PCLO: variants seen among roughly 807,000 people sequenced by gnomAD.
PCLO encodes protein piccolo.
In PCLO, 82 loss-of-function variants were observed where a neutral mutation model predicts 427.5. The observed-to-expected ratio is 0.19, with a 90% CI of 0.16 to 0.23. The LOEUF (loss-of-function observed/expected upper bound fraction) is 0.23. PCLO is among the 10% of genes least tolerant of loss of function. The pLI, the probability that PCLO is intolerant of heterozygous loss-of-function variation, is 1.00. For synonymous variants in PCLO, 2,357 were observed against 2,155.4 expected (o/e 1.09, Z -2.59); for missense variants, 6,239 against 6,115.9 (o/e 1.02, Z -0.67).
chr7:82,947,410 A>T (rs1795228530), intron 6 of PCLO, among the ~76,000 whole-genome samples: 2 of 152,098 alleles, frequency 1.3e-5, no homozygotes, highest in South Asian at 4.1e-4. Flanking sequence ...TAAGAAAATT[A>T]TTTTTTTAGT....
intron 9 of PCLO, among the ~76,000 whole-genome samples, chr7:82,892,840 C>T (rs1429062660): frequency 6.6e-6 from 1 of 151,942 alleles, no homozygotes; most frequent in Non-Finnish European, 1.5e-5. Context: ...TCATCACTGG[C>T]CATCAGAGAA....
intron 3 of PCLO, among the ~76,000 whole-genome samples, chr7:82,973,764 G>C (rs1795957337): frequency 6.6e-6 from 1 of 150,652 alleles, no homozygotes; most frequent in Admixed American, 6.6e-5. Flanking sequence ...TACATTAACA[G>C]ATATTTCCAT....
rs886906100 is a variant in PCLO at position 82,760,557 on chromosome 7, A to G, written c.15288+82T>C. The G allele has an allele frequency of 5.8e-6, 5 of 864,130 alleles. No homozygotes were observed. In the African/African-American group the frequency reaches 8.8e-5, roughly 15 times the overall value. The allele number at this position is 864,130 out of a possible 1,614,324, so 53.5% of individuals were successfully genotyped here. A position where few individuals can be genotyped will look rare whatever the true frequency, so the allele number is the denominator to read the frequency against. ...AAATGTCATATAGTGTATGATCAGTATATAAATATTGAATAATGGGATAAA... is the reference window on the plus strand; with the variant it reads ...AAATGTCATATAGTGTATGATCAGTGTATAAATATTGAATAATGGGATAAA... On this transcript the variant is annotated intron_variant, in intron 24 of 24. Coordinates refer to ENST00000333891, the MANE Select transcript of PCLO (RefSeq NM_033026.6).
chr7:82,973,285 C>T (rs190303419), intron 3 of PCLO, among the ~76,000 whole-genome samples: 53 of 152,052 alleles, frequency 3.5e-4, no homozygotes, highest in Middle Eastern at 6.8e-3. Flanking sequence ...ATTCTTTTAC[C>T]GAGGCTGTGC....
chr7:82,924,808 G>GA (rs1290961557), intron 6 of PCLO, among the ~76,000 whole-genome samples: 1 of 151,320 alleles, frequency 6.6e-6, no homozygotes. Context: ...AATAACTTAA[G>GA]AAAAAAAGGA....
intron 3 of PCLO, among the ~76,000 whole-genome samples, chr7:83,011,600 A>C (rs1788078129): frequency 1.3e-5 from 1 of 74,354 alleles, no homozygotes; most frequent in Non-Finnish European, 2.5e-5. Context: ...TATAATTTTA[A>C]GCTGAAAAAA....
At chr7:82,828,566 TAAA>T (rs1371381598) in intron 16 of PCLO, among the ~76,000 whole-genome samples, 1 of 152,164 alleles carries the variant, frequency 6.6e-6, no homozygotes, top group Non-Finnish European at 1.5e-5. Context: ...ATGAACCAAA[TAAA>T]AATCTTTCCT....
At chr7:83,151,156 C>A (rs920180608) in intron 2 of PCLO, among the ~76,000 whole-genome samples, 13 of 152,124 alleles carry the variant, frequency 8.5e-5, no homozygotes, top group Admixed American at 8.5e-4. Context: ...AGATGCCTTT[C>A]TAGAGTTCAG....
intron 3 of PCLO, among the ~76,000 whole-genome samples, chr7:83,070,464 T>C (rs1789784541): frequency 6.6e-6 from 1 of 151,140 alleles, no homozygotes; most frequent in African/African-American, 2.4e-5. Context: ...CTCAGCTCAG[T>C]GCAAGCTCTG....
chr7:82,847,845 T>C (rs1047956849), intron 10 of PCLO, among the ~76,000 whole-genome samples: 1 of 152,180 alleles, frequency 6.6e-6, no homozygotes, highest in African/African-American at 2.4e-5. Context: ...GTCTGTGACC[T>C]GTGCACTAGT....
intron 22 of PCLO, among the ~76,000 whole-genome samples, chr7:82,771,728 T>G (rs923156695): frequency 1.3e-5 from 2 of 152,048 alleles, no homozygotes; most frequent in Non-Finnish European, 2.9e-5. Context: ...GATAATAATT[T>G]TGGGCCAAAT....
At position 82,952,722 on chromosome 7, in the gene PCLO, C is replaced by T. The variant is rs755262348; in HGVS notation, c.8231G>A (p.Cys2744Tyr). 2.2e-5 allele frequency: 36 copies of T among 1,613,580 alleles called. No homozygotes were observed. The highest frequency in any genetic ancestry group is 2.9e-5 in the Non-Finnish European group (34 of 1,179,712). The change falls in exon 5 of 25, where the codon TGT (cysteine) becomes TAT (tyrosine). Residue 2744 changes from cysteine to tyrosine, a missense_variant. Coordinates refer to ENST00000333891, the MANE Select transcript of PCLO (RefSeq NM_033026.6). Reference protein sequence around the residue: ...PKVEVKTTDKCIDLSASTMDV... With the variant: ...PKVEVKTTDKYIDLSASTMDV... ...CATTGTAGAAGCAGAAAGATCAATACATTTATCAGTTGTTTTAACTTCTAC... is the reference window on the plus strand; with the variant it reads ...CATTGTAGAAGCAGAAAGATCAATATATTTATCAGTTGTTTTAACTTCTAC...
In PCLO at chr7:82,846,624, T is replaced by A; in HGVS notation, c.13774A>T (p.Met4592Leu). Residue 4592 changes from methionine (M) to leucine (L), a missense_variant, in exon 12 of 25, where the codon ATG (methionine) becomes TTG (leucine). Met to Leu is a conservative substitution (Grantham distance 15, BLOSUM62 2). Around this residue, in one of 5 missense-constraint regions of PCLO, gnomAD observed 877 missense variants for 925.5 expected, o/e 0.95. Coordinates refer to ENST00000333891, the MANE Select transcript of PCLO (RefSeq NM_033026.6). ...TGGGAATTTTCAGAATCTGATAGCA[T>A]ATTGAGGTCCCTAAAAATTAAAACA... The part of the protein sequence containing the change: ...AEICVRLDLN[M>L]LSDSENSQHL... The A allele has an allele frequency of 6.3e-7, 1 of 1,599,794 alleles. No individual in the cohort carries two copies. The highest frequency in any genetic ancestry group is 8.5e-7 in the Non-Finnish European group (1 of 1,171,946).
intron 3 of PCLO, among the ~76,000 whole-genome samples, chr7:82,992,379 T>G (rs1256344310): frequency 6.6e-6 from 1 of 152,102 alleles, no homozygotes; most frequent in Admixed American, 6.6e-5. Flanking sequence ...CAGTCATTAT[T>G]TAAGATGAAA....
intron 10 of PCLO, among the ~76,000 whole-genome samples, chr7:82,870,998 A>G (rs1793220563): frequency 6.6e-6 from 1 of 152,054 alleles, no homozygotes. Context: ...AAATGCTCAT[A>G]CACTGTTTGT....
chr7:82,956,795 C>T lies in PCLO; in HGVS notation c.4158G>A (p.Lys1386=). The change falls in exon 5 of 25, where the codon AAG becomes AAA. Residue 1386 remains lysine, a synonymous_variant. Coordinates refer to ENST00000333891, the MANE Select transcript of PCLO (RefSeq NM_033026.6). ...EIPSLIPTDE[K]DILKGLKKDS... is the part of the protein sequence containing the mutation. Reference sequence around the variant, plus strand: ...CCTTTTTGAGTCCCTTGAGAATATCCTTTTCATCAGTTGGAATAAGACTTG... The same window carrying T: ...CCTTTTTGAGTCCCTTGAGAATATCTTTTTCATCAGTTGGAATAAGACTTG... 1 of 1,613,720 alleles carries T rather than the reference C, an allele frequency of 6.2e-7. No homozygotes were observed. The highest frequency in any genetic ancestry group is 8.5e-7 in the Non-Finnish European group (1 of 1,179,710).
chr7:83,092,388 G>C (rs1196980639), intron 3 of PCLO, among the ~76,000 whole-genome samples: 1 of 119,958 alleles, frequency 8.3e-6, no homozygotes, highest in African/African-American at 3.1e-5. Context: ...GAAGACCCAT[G>C]GACCCGGCAC....
Position 83,134,320 on chromosome 7 carries a change from T to C in PCLO, c.3230A>G (p.Asn1077Ser), listed in dbSNP as rs145768205. 1.0e-5 allele frequency: 16 copies of C among 1,605,290 alleles called. No homozygotes were observed. Among genetic ancestry groups the C allele is most frequent in the Middle Eastern group, 1.7e-4 (1 of 6,054 alleles). The change falls in exon 3 of 25, where the codon AAT (asparagine) becomes AGT (serine). Residue 1077 changes from asparagine (N) to serine (S), a missense_variant. Asn to Ser is a conservative substitution (Grantham distance 46, BLOSUM62 1). Coordinates refer to ENST00000333891, the MANE Select transcript of PCLO (RefSeq NM_033026.6). The part of the protein sequence containing the change: ...NIGSKDPPNF[N>S]TCTECKNQVC... ...TTGATTCTTGCATTCAGTGCAAGTA[T>C]TGAAGTTAGGAGGATCCTTAGAACC...
intron 6 of PCLO, among the ~76,000 whole-genome samples, chr7:82,917,902 T>C (rs1794504765): frequency 6.6e-6 from 1 of 152,020 alleles, no homozygotes; most frequent in Admixed American, 6.6e-5. Context: ...ATCACATTTT[T>C]CCAAGACTCT....
Sources: allele counts gnomAD v4.1 joint callset (sites outside exome capture counted in the v4.1 genomes callset), GRCh38; gene constraint gnomAD v4.1.1; regional missense constraint gnomAD v4.1.1; transcripts MANE v1.5; gene names NCBI Gene and HGNC (gene_info 2026-07-23, HGNC 2026-07-21).